ABCC10: variants seen among roughly 807,000 people sequenced by gnomAD.
ABCC10 encodes the protein ATP binding cassette subfamily C member 10.
A neutral mutation model predicts 143.2 loss-of-function variants in ABCC10; 110 were observed. That is an observed-to-expected ratio of 0.77 (90% CI 0.66 to 0.90). The LOEUF (loss-of-function observed/expected upper bound fraction) is 0.90. Ranked by LOEUF, ABCC10 falls within the 40% of genes least tolerant of loss-of-function variation. The pLI is 0.00. For synonymous variants in ABCC10, 805 were observed against 846.7 expected (o/e 0.95, Z 0.85); for missense variants, 1,700 against 1,900.5 (o/e 0.89, Z 1.96).
At chr6:43,434,878 T>C (rs1014971998) in intron 4 of ABCC10, 30 bp downstream of exon 4, 3 of 1,601,830 alleles carry the variant, frequency 1.9e-6, no homozygotes, top group African/African-American at 1.3e-5. Flanking sequence ...GGGACCAGCA[T>C]CAAGGAGACT....
chr6:43,428,822 A>C (rs2127376521), intron 2 of ABCC10, among the ~76,000 whole-genome samples: 1 of 152,256 alleles, frequency 6.6e-6, no homozygotes, highest in Non-Finnish European at 1.5e-5. Context: ...AAGTGTCTCT[A>C]TCCAAGAGGT....
chr6:43,443,323 A>C lies in ABCC10; in HGVS notation c.2416+164A>C. On this transcript the variant is annotated intron_variant, in intron 10 of 21. Transcript: ENST00000372530. This position sits in a 1 kb window ranked among gnomAD's most constrained non-coding sequence, Gnocchi z 4.2. ...GAGGAACTGGGAGAACAGGAGGGAA[A>C]AGGAGTACGTTGGTAAAATGCCAGT... 1.4e-6 allele frequency: 1 copy of C among 713,456 alleles called. No homozygotes were observed. The highest frequency in any genetic ancestry group is 2.2e-6 in the Non-Finnish European group (1 of 462,670). 44.2% of individuals were successfully genotyped at this position (713,456 alleles called of 1,614,324 possible). A position where few individuals can be genotyped will look rare whatever the true frequency, so the allele number is the denominator to read the frequency against.
chr6:43,431,937 G>T (rs951538123), intron 2 of ABCC10: 2 of 1,406,390 alleles, frequency 1.4e-6, no homozygotes, highest in Non-Finnish European at 9.2e-7. Context: ...GGTTAGCTCA[G>T]TTGGTCAGAA....
chr6:43,430,115 G>C (rs1228609923), intron 2 of ABCC10, among the ~76,000 whole-genome samples: 2 of 149,280 alleles, frequency 1.3e-5, no homozygotes, highest in Non-Finnish European at 3.0e-5. Context: ...CTTTGAGACA[G>C]GGTCTTACTC....
At position 43,443,139 on chromosome 6, in the gene ABCC10, C is replaced by A; in HGVS notation, c.2396C>A (p.Ala799Asp). Residue 799 changes from alanine to aspartate, a missense_variant, in exon 10 of 22, where the codon GCC becomes GAC. Physicochemically the swap from Ala to Asp is moderately radical, Grantham distance 126 (BLOSUM62 -2). Transcript: ENST00000372530. The surrounding 1 kb of genome is among the most constrained non-coding windows in gnomAD (Gnocchi z 4.2). ...GCTGACGCGGTGCTGCTGATGGAGG[C>A]CGGGCGCCTCATCCGGGCTGGTAAT... is the stretch of plus-strand genomic sequence containing the variant. ...ERADAVLLME[A>D]GRLIRAGPPS... is the part of the protein sequence containing the mutation. 6.2e-7 allele frequency: 1 copy of A among 1,602,942 alleles called. No homozygotes were observed. The highest frequency in any genetic ancestry group is 8.5e-7 in the Non-Finnish European group (1 of 1,178,090).
At position 43,444,875 on chromosome 6, in the gene ABCC10, C is replaced by G. The variant is rs1398187396; in HGVS notation, c.2777C>G (p.Thr926Ser). The part of the protein sequence containing the change: ...ENSSQEAQPS[T>S]SPASMGLFSP... ...AGCTCCCAGGAGGCGCAACCCTCCACCAGCCCAGCTTCTATGGGGCTCTTC... is the reference window on the plus strand; with the variant it reads ...AGCTCCCAGGAGGCGCAACCCTCCAGCAGCCCAGCTTCTATGGGGCTCTTC... The change falls in exon 13 of 22, where the codon ACC (threonine) becomes AGC (serine). Residue 926 changes from threonine to serine, a missense_variant. Coordinates refer to ENST00000372530, the MANE Select transcript of ABCC10 (RefSeq NM_001198934.2). 1.2e-6 allele frequency: 2 copies of G among 1,614,082 alleles called. No individual in the cohort carries two copies. The highest frequency in any genetic ancestry group is 1.7e-5 in the Admixed American group (1 of 60,016).
intron 2 of ABCC10, among the ~76,000 whole-genome samples, chr6:43,428,341 G>A (rs1270117487): frequency 1.3e-5 from 2 of 152,192 alleles, no homozygotes; most frequent in Admixed American, 6.5e-5. Context: ...TTGTTGGGAG[G>A]TTTAAATGAG....
At chr6:43,431,417 T>C (rs1243648713) in intron 2 of ABCC10, among the ~76,000 whole-genome samples, 1 of 152,058 alleles carries the variant, frequency 6.6e-6, no homozygotes, top group Non-Finnish European at 1.5e-5. Flanking sequence ...CTGGAGTGCA[T>C]TGGCGTGATC....
intron 4 of ABCC10, 41 bp from the exon 5 acceptor site, chr6:43,435,710 A>G: frequency 1.2e-6 from 2 of 1,602,816 alleles, no homozygotes; most frequent in South Asian, 1.1e-5. Flanking sequence ...ACAGGCCCTT[A>G]GATAACTCCT....
At chr6:43,449,258 G>A in intron 20 of ABCC10, 54 bp downstream of exon 20, 1 of 1,589,612 alleles carries the variant, frequency 6.3e-7, no homozygotes, top group Non-Finnish European at 8.6e-7. Flanking sequence ...CTGGGGGCCG[G>A]GAGGTGGGGA....
intron 8 of ABCC10, among the ~76,000 whole-genome samples, chr6:43,441,463 A>G (rs2127400320): frequency 6.6e-6 from 1 of 151,972 alleles, no homozygotes; most frequent in East Asian, 1.9e-4. Flanking sequence ...CGACAGAGCG[A>G]GACTCCGTCT....
intron 6 of ABCC10, 77 bp downstream of exon 6, chr6:43,436,324 C>T: frequency 5.9e-6 from 9 of 1,529,612 alleles, no homozygotes; most frequent in Middle Eastern, 2.4e-4. Flanking sequence ...AAGCAGTGAC[C>T]GAGCCAATCA....
At position 43,432,627 on chromosome 6, in the gene ABCC10, A is replaced by T. The variant is rs775752575; in HGVS notation, c.647A>T (p.Asp216Val). 4.3e-5 allele frequency: 69 copies of T among 1,613,704 alleles called. No homozygotes were observed. In the South Asian group the frequency reaches 7.6e-4, roughly 18 times the overall value. ...PEDQEPEVAE[D>V]GESWLSRFSY... ...GATCAAGAACCTGAGGTGGCTGAAG[A>T]TGGGGAGAGTTGGCTGTCACGCTTT... Residue 216 changes from aspartate to valine, a missense_variant, in exon 3 of 22, where the codon GAT becomes GTT. Transcript: ENST00000372530.
Position 43,445,863 on chromosome 6 carries a change from AC to A in ABCC10, c.3298del (p.Leu1100CysfsTer37). On this transcript the variant is annotated frameshift_variant, in exon 15 of 22. Transcript: ENST00000372530. LOFTEE classifies it high-confidence loss of function. The stretch of plus-strand genomic sequence containing the variant: ...GGAGCTGCGGCGCCTGGGCAGCCTC[AC>A]CCTGTCTCCACTGTATAGCCATCTG... ...SRELRRLGSL[T>X]LSPLYSHLAD... The A allele has an allele frequency of 6.2e-7, 1 of 1,613,780 alleles. No homozygotes were observed. Among genetic ancestry groups the A allele is most frequent in the African/African-American group, 1.3e-5 (1 of 74,934 alleles).
In ABCC10 at chr6:43,447,699, C is replaced by A. The variant is rs1783257617; in HGVS notation, c.3721C>A (p.Leu1241Met). 6.2e-7 allele frequency: 1 copy of A among 1,613,986 alleles called. No homozygotes were observed. Among genetic ancestry groups the A allele is most frequent in the Non-Finnish European group, 8.5e-7 (1 of 1,180,002 alleles). Residue 1241 changes from leucine (L) to methionine (M), a missense_variant, in exon 18 of 22, where the codon CTG (leucine) becomes ATG (methionine). Leu to Met is a conservative substitution (Grantham distance 15). Coordinates refer to ENST00000372530, the MANE Select transcript of ABCC10 (RefSeq NM_001198934.2). ...GQPLQLGTGW[L>M]TQGGVEFQDV... Reference sequence around the variant, plus strand: ...ACCCCACCAGCTGGGCACCGGCTGGCTGACCCAGGGGGGCGTGGAGTTCCA... The same window carrying A: ...ACCCCACCAGCTGGGCACCGGCTGGATGACCCAGGGGGGCGTGGAGTTCCA...
In ABCC10 at chr6:43,438,651, G is replaced by T; in HGVS notation, c.1983G>T (p.Gly661=). The change falls in exon 8 of 22, where the codon GGG becomes GGT. Residue 661 remains glycine (G), a synonymous_variant. Transcript: ENST00000372530. Reference sequence around the variant, plus strand: ...TGCGTGGGCATGTGGCAGTGCGGGGGCTGTCCAAGGGCTTTGGCCTGGCCA... The same window carrying T: ...TGCGTGGGCATGTGGCAGTGCGGGGTCTGTCCAAGGGCTTTGGCCTGGCCA... ...HRLRGHVAVR[G]LSKGFGLATQ... 1 of 1,614,132 alleles carries T rather than the reference G, an allele frequency of 6.2e-7. No homozygotes were observed. The highest frequency in any genetic ancestry group is 8.5e-7 in the Non-Finnish European group (1 of 1,180,042).
intron 8 of ABCC10, among the ~76,000 whole-genome samples, chr6:43,441,037 AG>A (rs1782393474): frequency 6.6e-6 from 1 of 152,092 alleles, no homozygotes; most frequent in Admixed American, 6.5e-5. Context: ...CGAGAGGCGG[AG>A]GTTGCAGTGA....
In ABCC10 at chr6:43,449,187, C is replaced by G. The variant is rs761216822; in HGVS notation, c.4186C>G (p.Leu1396Val). ...GCAGCTGTTGTGTTTGGCCAGGGCT[C>G]TCCTCACAGATGCCAAGGTAAGGTG... ...QRQLLCLARA[L>V]LTDAKILCID... is the part of the protein sequence containing the mutation. Residue 1396 changes from leucine (L) to valine (V), a missense_variant, in exon 20 of 22, where the codon CTC becomes GTC. Transcript: ENST00000372530. The G allele has an allele frequency of 4.3e-6, 7 of 1,613,970 alleles. No individual in the cohort carries two copies. Among genetic ancestry groups the G allele is most frequent in the Non-Finnish European group, 5.1e-6 (6 of 1,179,954 alleles).
Position 43,449,932 on chromosome 6 carries a change from C to G in ABCC10, c.4320C>G (p.Leu1440=). ...CTGACCATCTTCCCCCTCACAGGCT[C>G]AACACGATCCTGAACTCAGACCGGG... ...NKTVLTIAHR[L]NTILNSDRVL... The change falls in exon 22 of 22, where the codon CTC becomes CTG. Residue 1440 remains leucine, a synonymous_variant. Transcript: ENST00000372530. 1.2e-6 allele frequency: 2 copies of G among 1,614,026 alleles called. No individual in the cohort carries two copies. Among genetic ancestry groups the G allele is most frequent in the Non-Finnish European group, 1.7e-6 (2 of 1,180,000 alleles).
Sources: allele counts gnomAD v4.1 joint callset (sites outside exome capture counted in the v4.1 genomes callset), GRCh38; gene constraint gnomAD v4.1.1; non-coding constraint Gnocchi (gnomAD v3.1); transcripts MANE v1.5; gene names NCBI Gene and HGNC (gene_info 2026-07-23, HGNC 2026-07-21).